RNF111: variants seen among roughly 807,000 people sequenced by gnomAD.
RNF111 encodes ring finger protein 111.
In RNF111, 17 loss-of-function variants were observed where a neutral mutation model predicts 95.1. The ratio of observed to expected loss-of-function variants is 0.18; its 90% CI spans 0.12 to 0.27. The LOEUF is 0.27. RNF111 is among the 10% of genes least tolerant of loss of function. The pLI is 1.00. For missense variants in RNF111, 1,189 were observed against 1,210.4 expected (o/e 0.98, Z 0.26); for synonymous variants, 440 against 414.8 (o/e 1.06, Z -0.74).
At chr15:59,050,994 A>G (rs1415877398) in intron 2 of RNF111, among the ~76,000 whole-genome samples, 1 of 152,220 alleles carries the variant, frequency 6.6e-6, no homozygotes, top group Admixed American at 6.5e-5. Flanking sequence ...GCAGGATTCT[A>G]TTTATATAAT....
chr15:59,058,153 T>A (rs1424896751), intron 4 of RNF111, among the ~76,000 whole-genome samples: 2 of 152,242 alleles, frequency 1.3e-5, no homozygotes, highest in Admixed American at 6.5e-5. Context: ...TGGATTTTTT[T>A]AAAATGCAGT....
chr15:59,071,166 T>C (rs2042906914), intron 6 of RNF111, among the ~76,000 whole-genome samples: 1 of 151,374 alleles, frequency 6.6e-6, no homozygotes, highest in East Asian at 2.0e-4. Flanking sequence ...GGCGTGGTGG[T>C]GGGTGCCTGT....
At chr15:59,094,279 T>G (rs1489474318) in intron 13 of RNF111, among the ~76,000 whole-genome samples, 1 of 152,186 alleles carries the variant, frequency 6.6e-6, no homozygotes, top group African/African-American at 2.4e-5. Flanking sequence ...GAAAATAACA[T>G]TGCACAATAA....
chr15:59,022,632 G>A (rs1469524471), intron 1 of RNF111, among the ~76,000 whole-genome samples: 2 of 152,178 alleles, frequency 1.3e-5, no homozygotes, highest in African/African-American at 4.8e-5. Context: ...TAAGGTTAAG[G>A]AGTATAGTGA....
At chr15:59,041,979 T>G (rs4257151) in intron 2 of RNF111, among the ~76,000 whole-genome samples, 1 of 146,572 alleles carries the variant, frequency 6.8e-6, no homozygotes, top group Non-Finnish European at 1.5e-5. Flanking sequence ...TTTTTTTTTT[T>G]GCCTGTTTTG....
chr15:59,048,027 G>T (rs1207315535), intron 2 of RNF111, among the ~76,000 whole-genome samples: 6 of 152,208 alleles, frequency 3.9e-5, no homozygotes, highest in African/African-American at 1.4e-4. Flanking sequence ...AAATTGTAGA[G>T]CCACTTAGGG....
rs2038625271 is a variant in RNF111 at position 58,987,694 on chromosome 15, T to G, written c.-394T>G. ...GTGCTCTCCTCGGTAGGGGAGGAAT[T>G]GGTTAGGCGGCGGCGGCGGCGAAGC... On this transcript the variant is annotated 5_prime_UTR_variant, in exon 1 of 14. The change creates a new upstream start codon in the 5' untranslated region. Transcript: ENST00000348370. 1 of 177,348 alleles carries G rather than the reference T, an allele frequency of 5.6e-6. No homozygotes were observed. Among genetic ancestry groups the G allele is most frequent in the Non-Finnish European group, 1.2e-5 (1 of 86,832 alleles). 11.0% of individuals were successfully genotyped at this position (177,348 alleles called of 1,614,324 possible).
In RNF111 at chr15:59,094,814, G is replaced by C. The variant is rs747577535; in HGVS notation, c.2875G>C (p.Val959Leu). The part of the protein sequence containing the change: ...RLPCMHLFHQ[V>L]CVDQWLITNK... Reference sequence around the variant, plus strand: ...TCCATGTATGCACCTTTTCCACCAAGTGTGTGTTGACCAATGGTTGATTAC... The same window carrying C: ...TCCATGTATGCACCTTTTCCACCAACTGTGTGTTGACCAATGGTTGATTAC... Residue 959 changes from valine (V) to leucine (L), a missense_variant, in exon 14 of 14, where the codon GTG becomes CTG. Transcript: ENST00000348370. The C allele has an allele frequency of 6.2e-7, 1 of 1,612,652 alleles. No individual in the cohort carries two copies. The highest frequency in any genetic ancestry group is 1.7e-5 in the Admixed American group (1 of 59,978).
chr15:59,077,109 A>G (rs2078587530), intron 7 of RNF111, among the ~76,000 whole-genome samples: 1 of 136,678 alleles, frequency 7.3e-6, no homozygotes, highest in African/African-American at 2.8e-5. Context: ...ATTGGAAAAC[A>G]TTTAGCAAGT....
intron 1 of RNF111, among the ~76,000 whole-genome samples, chr15:59,010,602 A>G (rs1303373174): frequency 6.6e-6 from 1 of 152,186 alleles, no homozygotes; most frequent in East Asian, 1.9e-4. Flanking sequence ...GGGTTTTACC[A>G]TGTTGACCAG....
At chr15:59,016,855 G>A (rs186221982) in intron 1 of RNF111, among the ~76,000 whole-genome samples, 1 of 152,184 alleles carries the variant, frequency 6.6e-6, no homozygotes, top group East Asian at 1.9e-4. Context: ...TACTGCTTGA[G>A]TTCTGCTTCC....
chr15:59,023,872 C>T (rs2040468102), intron 1 of RNF111, among the ~76,000 whole-genome samples: 1 of 152,140 alleles, frequency 6.6e-6, no homozygotes, highest in Non-Finnish European at 1.5e-5. Flanking sequence ...TACTTTATAA[C>T]TTTGAGCCTT....
At chr15:59,021,670 G>C (rs1302280441) in intron 1 of RNF111, among the ~76,000 whole-genome samples, 1 of 152,140 alleles carries the variant, frequency 6.6e-6, no homozygotes, top group Non-Finnish European at 1.5e-5. Context: ...CAGTTTTAGA[G>C]AGTACTATGG....
At chr15:59,046,197 T>TC (rs1198793734) in intron 2 of RNF111, among the ~76,000 whole-genome samples, 2 of 146,646 alleles carry the variant, frequency 1.4e-5, no homozygotes, top group African/African-American at 5.0e-5. Flanking sequence ...TTTTTTTTTT[T>TC]CCCTTTAATT....
chr15:59,035,445 A>G (rs550034278), intron 2 of RNF111, among the ~76,000 whole-genome samples: 1 of 152,296 alleles, frequency 6.6e-6, no homozygotes, highest in African/African-American at 2.4e-5. Context: ...ATTAGAAGCA[A>G]GTTAGTTCCT....
intron 3 of RNF111, among the ~76,000 whole-genome samples, chr15:59,052,636 C>A (rs1192133955): frequency 7.1e-6 from 1 of 140,042 alleles, no homozygotes; most frequent in African/African-American, 2.6e-5. Flanking sequence ...TGGACTTCTA[C>A]CCCTTGGCTC....
chr15:59,054,970 A>G (rs1337973830), intron 3 of RNF111, among the ~76,000 whole-genome samples: 1 of 152,232 alleles, frequency 6.6e-6, no homozygotes, highest in Admixed American at 6.5e-5. Context: ...GTATGTCCTT[A>G]GTCCAAATCA....
intron 10 of RNF111, among the ~76,000 whole-genome samples, chr15:59,088,549 G>T (rs1467491831): frequency 6.6e-6 from 1 of 152,206 alleles, no homozygotes; most frequent in Admixed American, 6.5e-5. Context: ...TTGTGATTCA[G>T]TGTAGGCTAA....
At chr15:59,072,891 AAAC>A (rs1175642788) in intron 6 of RNF111, among the ~76,000 whole-genome samples, 1 of 151,598 alleles carries the variant, frequency 6.6e-6, no homozygotes, top group Non-Finnish European at 1.5e-5. Context: ...AAAAAAAAAA[AAAC>A]AAAACACTTC....
Sources: gnomAD v4.1 joint callset for allele counts (sites outside exome capture counted in the v4.1 genomes callset) on GRCh38, gnomAD v4.1.1 for gene constraint, MANE v1.5 for transcripts, NCBI Gene and HGNC (gene_info 2026-07-23, HGNC 2026-07-21) for gene names.